KIAA1549: variants seen among roughly 807,000 people sequenced by gnomAD.
KIAA1549 encodes UPF0606 protein KIAA1549.
KIAA1549 carries 70 observed loss-of-function variants against 156.4 expected under a neutral mutation model. The ratio of observed to expected loss-of-function variants is 0.45; its 90% CI spans 0.37 to 0.55. The LOEUF (loss-of-function observed/expected upper bound fraction) is 0.55, where lower values mean the gene tolerates loss of function less well. Ranked by LOEUF, KIAA1549 falls within the 20% of genes least tolerant of loss-of-function variation. KIAA1549 has a pLI of 0.00. For missense variants in KIAA1549, 2,428 were observed against 2,540.9 expected (o/e 0.96, Z 0.96); for synonymous variants, 1,103 against 1,066.4 (o/e 1.03, Z -0.67).
intron 10 of KIAA1549, among the ~76,000 whole-genome samples, chr7:138,888,135 G>A (rs1811450829): frequency 6.6e-6 from 1 of 152,176 alleles, no homozygotes; most frequent in Non-Finnish European, 1.5e-5. Context: ...TATGCTTTCC[G>A]TGAGCTCACC....
chr7:138,920,146 T>TGTCACCC (rs1812520912), intron 1 of KIAA1549, among the ~76,000 whole-genome samples: 3 of 145,722 alleles, frequency 2.1e-5, no homozygotes, highest in African/African-American at 5.2e-5. Flanking sequence ...CTGTGCACAT[T>TGTCACCC]CTCACCCCCG....
At chr7:138,935,562 TCAGCTTC>T (rs1481983118) in intron 1 of KIAA1549, among the ~76,000 whole-genome samples, 1 of 152,144 alleles carries the variant, frequency 6.6e-6, no homozygotes, top group East Asian at 1.9e-4. Context: ...AAGGACACCA[TCAGCTTC>T]CAGATAATCT....
At chr7:138,975,216 A>C (rs1285778188) in intron 1 of KIAA1549, among the ~76,000 whole-genome samples, 1 of 151,920 alleles carries the variant, frequency 6.6e-6, no homozygotes, top group Non-Finnish European at 1.5e-5. Flanking sequence ...CCTGAAGCTA[A>C]CAAAGGAGAT....
chr7:138,934,252 T>G (rs972116200), intron 1 of KIAA1549, among the ~76,000 whole-genome samples: 8 of 151,886 alleles, frequency 5.3e-5, no homozygotes, highest in African/African-American at 1.7e-4. Context: ...AAAGTGGGCT[T>G]TGATCCTCCA....
chr7:138,859,205 A>C (rs1336699387), intron 16 of KIAA1549, among the ~76,000 whole-genome samples: 1 of 152,002 alleles, frequency 6.6e-6, no homozygotes, highest in Admixed American at 6.5e-5. Context: ...CCAGAGAGAG[A>C]TCTCTGGAGT....
intron 1 of KIAA1549, among the ~76,000 whole-genome samples, chr7:138,956,378 C>A (rs970439804): frequency 6.6e-6 from 1 of 152,176 alleles, no homozygotes; most frequent in Admixed American, 6.5e-5. Flanking sequence ...GGAGAAGCCA[C>A]GGTACTGAAT....
At chr7:138,974,053 G>T (rs959236700) in intron 1 of KIAA1549, among the ~76,000 whole-genome samples, 15 of 152,242 alleles carry the variant, frequency 9.9e-5, no homozygotes, top group African/African-American at 3.4e-4. Context: ...CTGACAGTCG[G>T]AAAGGGAGCT....
chr7:138,872,111 T>C (rs1810953476), intron 12 of KIAA1549, among the ~76,000 whole-genome samples: 1 of 152,172 alleles, frequency 6.6e-6, no homozygotes, highest in African/African-American at 2.4e-5. Context: ...TAGCTAACTT[T>C]TGTATTAATA....
chr7:138,838,558 T>A (rs1294021538), intron 19 of KIAA1549, among the ~76,000 whole-genome samples: 4 of 152,196 alleles, frequency 2.6e-5, no homozygotes, highest in Non-Finnish European at 5.9e-5. Flanking sequence ...TAGAGCCTTG[T>A]CTTTAAAAAC....
At chr7:138,928,310 G>A (rs1304016416) in intron 1 of KIAA1549, among the ~76,000 whole-genome samples, 1 of 145,906 alleles carries the variant, frequency 6.9e-6, no homozygotes, top group Admixed American at 6.9e-5. Flanking sequence ...TTTTTCAGAT[G>A]GAGTCTCACT....
At position 138,912,456 on chromosome 7, in the gene KIAA1549, C is replaced by T. The variant is rs1812197528; in HGVS notation, c.2883G>A (p.Leu961=). Reference sequence around the variant, plus strand: ...TGTACTCCTGCACAGCTCTTCTGGCCAGCACTGCAAATGAAAGCAAACCAC... The same window carrying T: ...TGTACTCCTGCACAGCTCTTCTGGCTAGCACTGCAAATGAAAGCAAACCAC... The part of the protein sequence containing the change: ...VPDAYLITTV[L]ARRAVQEYII... Residue 961 remains leucine, a synonymous_variant, in exon 3 of 20, where the codon CTG becomes CTA. Transcript: ENST00000422774. 2.5e-6 allele frequency: 4 copies of T among 1,613,386 alleles called. No individual in the cohort carries two copies. The highest frequency in any genetic ancestry group is 3.4e-6 in the Non-Finnish European group (4 of 1,179,484).
rs1814539000 is a variant in KIAA1549 at position 138,981,182 on chromosome 7, G to T, written c.88C>A (p.Arg30=). The T allele has an allele frequency of 8.9e-7, 1 of 1,124,872 alleles. No individual in the cohort carries two copies. Among genetic ancestry groups the T allele is most frequent in the Admixed American group, 5.0e-5 (1 of 20,104 alleles). The allele number at this position is 1,124,872 out of a possible 1,614,324, so 69.7% of individuals were successfully genotyped here. Residue 30 remains arginine (R), a synonymous_variant, in exon 1 of 20, where the codon CGA becomes AGA. Transcript: ENST00000422774. This position sits in a 1 kb window ranked among gnomAD's most constrained non-coding sequence, Gnocchi z 4.5. The part of the protein sequence containing the change: ...GVALAPGPSG[R]RPSARCARRR... ...CGGGCGCAGCGGGCGGAAGGCCGTC[G>T]GCCGCTCGGCCCCGGGGCCAGCGCG...
chr7:138,869,105 G>A (rs966620124), intron 14 of KIAA1549, among the ~76,000 whole-genome samples: 1 of 152,200 alleles, frequency 6.6e-6, no homozygotes, highest in African/African-American at 2.4e-5. Context: ...AGATCTGCTG[G>A]GTGCCAGCCT....
chr7:138,941,154 C>T (rs982702125), intron 1 of KIAA1549, among the ~76,000 whole-genome samples: 1 of 152,038 alleles, frequency 6.6e-6, no homozygotes, highest in African/African-American at 2.4e-5. Flanking sequence ...GGGTCTGGAA[C>T]AATAATGTTA....
chr7:138,865,517 A>G (rs1029357528), intron 15 of KIAA1549, among the ~76,000 whole-genome samples: 5 of 152,180 alleles, frequency 3.3e-5, no homozygotes, highest in African/African-American at 1.2e-4. Context: ...TACCTAAGAA[A>G]AGATGAGTTC....
chr7:138,883,049 C>T (rs1189054219), intron 10 of KIAA1549, among the ~76,000 whole-genome samples: 15 of 135,258 alleles, frequency 1.1e-4, no homozygotes, highest in Non-Finnish European at 2.1e-4. Context: ...GTCAGGAGTT[C>T]GAGACCAGCC....
chr7:138,979,747 C>G (rs1814488740), intron 1 of KIAA1549, among the ~76,000 whole-genome samples: 1 of 152,192 alleles, frequency 6.6e-6, no homozygotes, highest in Non-Finnish European at 1.5e-5. Context: ...TTTGCACTAG[C>G]TGTATACTGC....
At chr7:138,857,597 CA>C (rs1450297810) in intron 16 of KIAA1549, among the ~76,000 whole-genome samples, 2 of 152,234 alleles carry the variant, frequency 1.3e-5, no homozygotes, top group African/African-American at 4.8e-5. Context: ...ACATTCTCAT[CA>C]CCATAATTGT....
chr7:138,843,957 T>C (rs1809994463), intron 18 of KIAA1549, among the ~76,000 whole-genome samples: 1 of 152,144 alleles, frequency 6.6e-6, no homozygotes, highest in Non-Finnish European at 1.5e-5. Flanking sequence ...ACTTTGAGAG[T>C]CGTTCGTTAC....
Sources: gnomAD v4.1 joint callset for allele counts (sites outside exome capture counted in the v4.1 genomes callset) on GRCh38, gnomAD v4.1.1 for gene constraint, Gnocchi (gnomAD v3.1) non-coding constraint, MANE v1.5 for transcripts, NCBI Gene and HGNC (gene_info 2026-07-23, HGNC 2026-07-21) for gene names.